SPAG16: variants seen among roughly 807,000 people sequenced by gnomAD.
SPAG16 encodes the protein sperm-associated antigen 16 protein.
SPAG16 carries 86 observed loss-of-function variants against 80.4 expected under a neutral mutation model. That is an observed-to-expected ratio of 1.07 (90% CI 0.90 to 1.28). The LOEUF is 1.28. Ranked by LOEUF, SPAG16 falls within the 50% of genes most tolerant of loss-of-function variation. SPAG16 has a pLI of 0.00. For missense variants in SPAG16, 870 were observed against 765.3 expected (o/e 1.14, Z -1.61); for synonymous variants, 294 against 265.9 (o/e 1.11, Z -1.03).
intron 15 of SPAG16, among the ~76,000 whole-genome samples, chr2:214,373,568 A>G (rs1699941421): frequency 6.6e-6 from 1 of 152,190 alleles, no homozygotes; most frequent in Non-Finnish European, 1.5e-5. Context: ...CATGTAAAGA[A>G]CTAGAGAGAG....
At chr2:213,834,570 G>A (rs1010561433) in intron 10 of SPAG16, among the ~76,000 whole-genome samples, 1 of 152,168 alleles carries the variant, frequency 6.6e-6, no homozygotes, top group African/African-American at 2.4e-5. Flanking sequence ...AGATGAGTAA[G>A]AGAGTGACCT....
intron 12 of SPAG16, among the ~76,000 whole-genome samples, chr2:213,935,178 G>C (rs1043348727): frequency 3.5e-5 from 5 of 143,692 alleles, no homozygotes; most frequent in Non-Finnish European, 7.5e-5. Flanking sequence ...CTCCAGCCTG[G>C]GCAACAGAGT....
intron 15 of SPAG16, among the ~76,000 whole-genome samples, chr2:214,248,638 A>C (rs1912216): frequency 0.55 from 83,204 of 151,806 alleles, 25,187 homozygotes; most frequent in South Asian, 0.71. Flanking sequence ...TATTCTAAGC[A>C]CTTGATTTTG....
chr2:213,351,725 C>A (rs776286997), intron 7 of SPAG16, among the ~76,000 whole-genome samples: 22 of 152,094 alleles, frequency 1.4e-4, no homozygotes, highest in Non-Finnish European at 2.9e-4. Context: ...TCAAGACATG[C>A]TTTAATCAAG....
chr2:213,640,566 G>C (rs2125110450), intron 10 of SPAG16, among the ~76,000 whole-genome samples: 1 of 152,218 alleles, frequency 6.6e-6, no homozygotes, highest in African/African-American at 2.4e-5. Flanking sequence ...TCTGATACTG[G>C]GGAGTGTCTG....
chr2:214,058,919 A>G (rs1440097789), intron 13 of SPAG16, among the ~76,000 whole-genome samples: 1 of 152,074 alleles, frequency 6.6e-6, no homozygotes, highest in Non-Finnish European at 1.5e-5. Flanking sequence ...GTGGTGCTGA[A>G]AGGTTAATGA....
chr2:214,368,576 A>T (rs986460215), intron 15 of SPAG16, among the ~76,000 whole-genome samples: 17 of 152,052 alleles, frequency 1.1e-4, no homozygotes, highest in African/African-American at 4.1e-4. Context: ...TACCCATATC[A>T]ACTTAATCTC....
chr2:214,042,969 A>G (rs544739749), intron 13 of SPAG16, among the ~76,000 whole-genome samples: 1 of 152,276 alleles, frequency 6.6e-6, no homozygotes, highest in South Asian at 2.1e-4. Context: ...ACATAAAAGA[A>G]TGAATTTTCA....
intron 12 of SPAG16, among the ~76,000 whole-genome samples, chr2:214,009,793 T>G (rs2047199061): frequency 6.6e-6 from 1 of 152,164 alleles, no homozygotes; most frequent in African/African-American, 2.4e-5. Flanking sequence ...TGAATAGAAG[T>G]CAGTGCCTTT....
At chr2:214,164,689 G>T (rs531967894) in intron 15 of SPAG16, among the ~76,000 whole-genome samples, 2 of 152,232 alleles carry the variant, frequency 1.3e-5, no homozygotes, top group East Asian at 3.9e-4. Context: ...CTTGCCAAGA[G>T]ACCAACACAT....
intron 10 of SPAG16, among the ~76,000 whole-genome samples, chr2:213,808,613 A>AT (rs1315664964): frequency 2.0e-5 from 3 of 152,156 alleles, no homozygotes; most frequent in African/African-American, 4.8e-5. Flanking sequence ...AGCAATATGT[A>AT]TTTTTTGCCT....
chr2:213,758,486 A>G (rs1290258294), intron 10 of SPAG16, among the ~76,000 whole-genome samples: 2 of 152,116 alleles, frequency 1.3e-5, no homozygotes, highest in Non-Finnish European at 2.9e-5. Flanking sequence ...AATGAAAAAA[A>G]TTCAATGGAT....
At position 213,641,060 on chromosome 2, in the gene SPAG16, G is replaced by A. The variant is rs1047873621; in HGVS notation, c.1070+150970G>A. Among the ~76,000 whole-genome samples the A allele has an allele frequency of 2.1e-4, 32 of 152,166 alleles. 1 individual carries two copies. The highest frequency in any genetic ancestry group is 7.3e-5 in the Non-Finnish European group (5 of 68,034). On this transcript the variant is annotated intron_variant, in intron 10 of 15. Transcript: ENST00000331683. ...GTTTGTAGAGACAAACCATCAGGTC[G>A]GGGCAGGGTTAAGTGGGTCTGACCT... is the stretch of plus-strand genomic sequence containing the variant.
intron 12 of SPAG16, among the ~76,000 whole-genome samples, chr2:213,963,647 T>G (rs1452800503): frequency 1.3e-5 from 2 of 152,186 alleles, no homozygotes; most frequent in Admixed American, 1.3e-4. Flanking sequence ...AGACTGCTTT[T>G]GTTGAATTGT....
intron 13 of SPAG16, among the ~76,000 whole-genome samples, chr2:214,067,244 A>G (rs2050573982): frequency 1.3e-5 from 2 of 152,218 alleles, no homozygotes; most frequent in African/African-American, 4.8e-5. Flanking sequence ...CAGCTGATAG[A>G]CAAAGCACTG....
chr2:213,680,602 A>G (rs1463349322), intron 10 of SPAG16, among the ~76,000 whole-genome samples: 40 of 152,298 alleles, frequency 2.6e-4, no homozygotes, highest in Non-Finnish European at 5.9e-5. Flanking sequence ...ATATGTGTAG[A>G]GCATCCTTGC....
At chr2:214,355,786 A>G (rs1202417200) in intron 15 of SPAG16, among the ~76,000 whole-genome samples, 1 of 151,964 alleles carries the variant, frequency 6.6e-6, no homozygotes, top group East Asian at 1.9e-4. Flanking sequence ...ATGTCCAACA[A>G]CAATAGACTG....
intron 11 of SPAG16, among the ~76,000 whole-genome samples, chr2:213,871,164 C>G (rs1210832245): frequency 6.6e-6 from 1 of 152,050 alleles, no homozygotes; most frequent in Admixed American, 6.6e-5. Context: ...TCCTAAAATA[C>G]AAAATCTTCT....
intron 1 of SPAG16, chr2:213,284,831 C>T (rs2061995975): frequency 4.7e-6 from 3 of 633,232 alleles, no homozygotes; most frequent in Non-Finnish European, 7.8e-6. Flanking sequence ...TGTCCTGTAC[C>T]TGTTAGAAGA....
Sources: gnomAD v4.1 joint callset for allele counts (sites outside exome capture counted in the v4.1 genomes callset) on GRCh38, gnomAD v4.1.1 for gene constraint, MANE v1.5 for transcripts, NCBI Gene and HGNC (gene_info 2026-07-23, HGNC 2026-07-21) for gene names.